The following TYW1B variants were observed in gnomAD, a reference collection of about 807,000 sequenced individuals.
TYW1B encodes the protein S-adenosyl-L-methionine-dependent tRNA 4-demethylwyosine synthase TYW1B.
TYW1B carries 73 observed loss-of-function variants against 86.9 expected under a neutral mutation model. That is an observed-to-expected ratio of 0.84 (90% CI 0.70 to 1.02). TYW1B has a LOEUF of 1.02. TYW1B is among the 50% of genes least tolerant of loss of function. The probability of loss-of-function intolerance (pLI) is 0.00; values close to 1 mark genes in which losing one functional copy is unlikely to be tolerated. For missense variants in TYW1B, 637 were observed against 827.4 expected, an observed-to-expected ratio of 0.77 and a Z score of 2.82; for synonymous variants, 248 against 292.8, an observed-to-expected ratio of 0.85 and a Z score of 1.56.
intron 11 of TYW1B, among the ~76,000 whole-genome samples, chr7:72,648,338 T>A (rs1183554776): frequency 2.6e-5 from 4 of 151,274 alleles, no homozygotes; most frequent in Non-Finnish European, 5.9e-5. Flanking sequence ...AGGTCAGGAG[T>A]TTGAGACCAG....
intron 2 of TYW1B, 90 bp from the exon 3 acceptor site, chr7:72,815,571 C>A (rs1725598074): frequency 3.3e-6 from 4 of 1,203,360 alleles, no homozygotes; most frequent in Non-Finnish European, 4.7e-6. Flanking sequence ...ATGTGGCATT[C>A]CTCATGAAAA....
rs587689485 is a variant in TYW1B at position 72,700,155 on chromosome 7, CTTTTTTTTTTTTTTTTTT to C, written c.1371-5351_1371-5334del. On this transcript the variant is annotated intron_variant, in intron 10 of 13. Coordinates refer to ENST00000620995, the MANE Select transcript of TYW1B (RefSeq NM_001145440.3). ...TATCAATACATAAAGAGCTTTTACACTTTTTTTTTTTTTTTTTTTTTTTTTTTTTTTTTTTGTGAGACA... is the reference window on the plus strand; with the variant it reads ...TATCAATACATAAAGAGCTTTTACACTTTTTTTTTTTTTTTTTGTGAGACA... 3.5e-4 allele frequency among the ~76,000 whole-genome samples: 26 copies of C among 74,254 alleles called. No homozygotes were observed. The South Asian group carries it at 6.2e-3, about 18-fold the overall frequency. 48.7% of individuals were successfully genotyped at this position (74,254 alleles called of 152,430 possible). A position where few individuals can be genotyped will look rare whatever the true frequency, so the allele number is the denominator to read the frequency against.
At chr7:72,657,493 A>G (rs574623310) in intron 11 of TYW1B, among the ~76,000 whole-genome samples, 39 of 152,292 alleles carry the variant, frequency 2.6e-4, no homozygotes, top group Middle Eastern at 3.4e-3. Context: ...CAGATACAGT[A>G]GGCTCAAAGA....
chr7:72,824,920 T>C (rs1187345363), intron 2 of TYW1B, among the ~76,000 whole-genome samples: 1 of 151,434 alleles, frequency 6.6e-6, no homozygotes, highest in Non-Finnish European at 1.5e-5. Context: ...CTGGGCAACA[T>C]GGCAAAACCC....
intron 10 of TYW1B, among the ~76,000 whole-genome samples, chr7:72,702,760 T>C (rs1374522645): frequency 6.6e-6 from 1 of 152,082 alleles, no homozygotes; most frequent in East Asian, 1.9e-4. Context: ...CTCTTTTTTC[T>C]TGCTGAGATG....
chr7:72,632,285 G>GTATATATATATATATTATA (rs1239640717), intron 11 of TYW1B, among the ~76,000 whole-genome samples: 1 of 83,568 alleles, frequency 1.2e-5, no homozygotes, highest in African/African-American at 7.2e-5. Flanking sequence ...ATATATACGT[G>GTATATATATATATATTATA]TATATATATA....
At chr7:72,822,159 T>A (rs1586011500) in intron 2 of TYW1B, among the ~76,000 whole-genome samples, 2 of 99,552 alleles carry the variant, frequency 2.0e-5, no homozygotes, top group African/African-American at 4.2e-5. Flanking sequence ...TAAGACCCTG[T>A]CTCAAAAAAA....
intron 11 of TYW1B, among the ~76,000 whole-genome samples, chr7:72,645,251 A>G (rs1224972832): frequency 1.3e-5 from 2 of 148,476 alleles, no homozygotes; most frequent in Non-Finnish European, 2.9e-5. Flanking sequence ...TATAGAGCAG[A>G]AAGGGACATT....
chr7:72,804,062 A>C (rs1283093900), intron 5 of TYW1B, among the ~76,000 whole-genome samples: 1 of 151,712 alleles, frequency 6.6e-6, no homozygotes, highest in Non-Finnish European at 1.5e-5. Context: ...AGGCAGATGG[A>C]TCACCTGAGG....
At chr7:72,590,543 CATATTT>C (rs1428314446) in intron 13 of TYW1B, among the ~76,000 whole-genome samples, 36 of 152,160 alleles carry the variant, frequency 2.4e-4, no homozygotes, top group African/African-American at 8.7e-4. Flanking sequence ...AAAAAATAAA[CATATTT>C]ATAGGGAAAT....
At chr7:72,645,365 G>A (rs767988748) in intron 11 of TYW1B, among the ~76,000 whole-genome samples, 53 of 152,178 alleles carry the variant, frequency 3.5e-4, no homozygotes, top group Admixed American at 4.6e-4. Context: ...ATGGCCTTGC[G>A]ATTGTCTGGC....
At chr7:72,818,595 A>G (rs1554479857) in intron 2 of TYW1B, among the ~76,000 whole-genome samples, 4 of 151,248 alleles carry the variant, frequency 2.6e-5, no homozygotes, top group African/African-American at 9.7e-5. Context: ...AAAAAAAAAA[A>G]AAAAAAGGAA....
At chr7:72,639,537 T>G (rs1812752815) in intron 11 of TYW1B, among the ~76,000 whole-genome samples, 1 of 151,824 alleles carries the variant, frequency 6.6e-6, no homozygotes, top group Non-Finnish European at 1.5e-5. Flanking sequence ...AATTTGTGGT[T>G]AAATCATGAA....
chr7:72,716,805 A>ATTTTTTT (rs71071904), intron 9 of TYW1B, among the ~76,000 whole-genome samples: 5 of 136,466 alleles, frequency 3.7e-5, no homozygotes, highest in Non-Finnish European at 1.5e-5. Flanking sequence ...CGTCTGGCTA[A>ATTTTTTT]TTTTTTTTTT....
chr7:72,781,951 AGT>A (rs146328512), intron 6 of TYW1B, among the ~76,000 whole-genome samples: 1,909 of 152,330 alleles, frequency 0.013, 34 homozygotes, highest in African/African-American at 0.044. Flanking sequence ...GGTATAAAGC[AGT>A]GTTACTAATG....
intron 11 of TYW1B, among the ~76,000 whole-genome samples, chr7:72,633,832 G>T (rs543487569): frequency 2.0e-5 from 3 of 152,092 alleles, no homozygotes; most frequent in Non-Finnish European, 4.4e-5. Flanking sequence ...TTATGTCCAG[G>T]TTTTAGCTAT....
intron 6 of TYW1B, among the ~76,000 whole-genome samples, chr7:72,789,666 A>C (rs1788186632): frequency 6.6e-6 from 1 of 152,166 alleles, no homozygotes; most frequent in Admixed American, 6.6e-5. Flanking sequence ...TAATAGAGAC[A>C]GAGTGTTGCT....
chr7:72,637,487 T>C (rs1404142791), intron 11 of TYW1B, among the ~76,000 whole-genome samples: 2 of 152,102 alleles, frequency 1.3e-5, no homozygotes, highest in Admixed American at 1.3e-4. Flanking sequence ...TTCATTTTCA[T>C]TTCTAACATT....
At chr7:72,690,649 T>C (rs1353422056) in intron 11 of TYW1B, among the ~76,000 whole-genome samples, 1 of 152,264 alleles carries the variant, frequency 6.6e-6, no homozygotes, top group Non-Finnish European at 1.5e-5. Flanking sequence ...AAAAGTCTAA[T>C]CAAATAACAG....
Sources: allele counts gnomAD v4.1 joint callset (sites outside exome capture counted in the v4.1 genomes callset), GRCh38; gene constraint gnomAD v4.1.1; transcripts MANE v1.5; gene names NCBI Gene and HGNC (gene_info 2026-07-23, HGNC 2026-07-21).